Variants in HAPSTR1 observed in about 807,000 individuals in gnomAD.
The protein encoded by HAPSTR1 is HUWE1 associated protein modifying stress responses.
At chr16:9,101,215 G>T in the HAPSTR1 span, among the ~76,000 whole-genome samples, 10 of 152,174 alleles carry the variant, frequency 6.6e-5, no homozygotes, top group Non-Finnish European at 1.3e-4. Flanking sequence ...CCCCTTTAGG[G>T]TTGGCTCATC....
the HAPSTR1 span, among the ~76,000 whole-genome samples, chr16:9,093,304 C>T: frequency 3.9e-5 from 6 of 152,138 alleles, no homozygotes; most frequent in Non-Finnish European, 8.8e-5. Context: ...CCAAGATAAC[C>T]GCCCCGGCCC....
the HAPSTR1 span, among the ~76,000 whole-genome samples, chr16:9,096,346 A>G: frequency 6.6e-6 from 1 of 152,166 alleles, no homozygotes; most frequent in Non-Finnish European, 1.5e-5. Context: ...GTCTTTTTAA[A>G]AATTTTTTTT....
chr16:9,115,190 A>G, the HAPSTR1 span, among the ~76,000 whole-genome samples: 1 of 152,214 alleles, frequency 6.6e-6, no homozygotes, highest in African/African-American at 2.4e-5. Flanking sequence ...ATGGAGGGGA[A>G]CGCCAAGGGG....
chr16:9,099,752 G>A, the HAPSTR1 span, among the ~76,000 whole-genome samples: 13 of 152,130 alleles, frequency 8.5e-5, no homozygotes, highest in South Asian at 2.1e-4. Context: ...TCAAGAGGCC[G>A]TGTGTGTGTG....
chr16:9,112,329 G>C, the HAPSTR1 span: 2 of 152,302 alleles, frequency 1.3e-5, no homozygotes, highest in East Asian at 3.9e-4. Context: ...AGGGCCCCCG[G>C]TCAGGATATT....
At chr16:9,102,944 T>C in the HAPSTR1 span, 4 of 1,593,516 alleles carry the variant, frequency 2.5e-6, no homozygotes, top group African/African-American at 1.4e-5. Flanking sequence ...CGGGCTCTAA[T>C]GGTCATGATA....
At chr16:9,096,656 CT>C in the HAPSTR1 span, among the ~76,000 whole-genome samples, 1 of 152,140 alleles carries the variant, frequency 6.6e-6, no homozygotes, top group Non-Finnish European at 1.5e-5. Context: ...TTGTGACTCA[CT>C]TGGCTGCAAA....
At chr16:9,102,705 A>G in the HAPSTR1 span, among the ~76,000 whole-genome samples, 62 of 152,326 alleles carry the variant, frequency 4.1e-4, no homozygotes, top group African/African-American at 1.2e-3. Context: ...AGGTAATTTC[A>G]TTAAAGATAC....
the HAPSTR1 span, among the ~76,000 whole-genome samples, chr16:9,093,891 A>G: frequency 2.6e-5 from 4 of 152,004 alleles, no homozygotes; most frequent in Admixed American, 6.6e-5. Flanking sequence ...GACTTTGTTA[A>G]TCTTAAGAAA....
At chr16:9,091,908 C>A in the HAPSTR1 span, 1 of 688,382 alleles carries the variant, frequency 1.5e-6, no homozygotes, top group Non-Finnish European at 2.1e-6. Flanking sequence ...TGCAGGAGGC[C>A]TGGGCCGCTG....
At chr16:9,104,043 A>G in the HAPSTR1 span, 2 of 152,162 alleles carry the variant, frequency 1.3e-5, no homozygotes, top group African/African-American at 4.8e-5. Context: ...CTTGCTTGAA[A>G]CCATGATGGA....
At chr16:9,121,182 G>C in the HAPSTR1 span, 1 of 152,218 alleles carries the variant, frequency 6.6e-6, no homozygotes, top group South Asian at 2.1e-4. Flanking sequence ...TTGAATTCCT[G>C]ACCTTAAGTG....
chr16:9,119,264 C>G, the HAPSTR1 span: 1 of 152,196 alleles, frequency 6.6e-6, no homozygotes, highest in African/African-American at 2.4e-5. Context: ...CTAGGTTTTT[C>G]AAGGGTTTCC....
the HAPSTR1 span, among the ~76,000 whole-genome samples, chr16:9,099,621 G>A: frequency 6.6e-6 from 1 of 152,212 alleles, no homozygotes; most frequent in African/African-American, 2.4e-5. Context: ...TTTGGTTTCT[G>A]TAAAATAGTG....
At chr16:9,093,486 T>A in the HAPSTR1 span, among the ~76,000 whole-genome samples, 1 of 152,200 alleles carries the variant, frequency 6.6e-6, no homozygotes, top group Non-Finnish European at 1.5e-5. Flanking sequence ...TGGAAAAGAT[T>A]CTTGAGTTAG....
chr16:9,121,145 G>T, the HAPSTR1 span: 1 of 152,198 alleles, frequency 6.6e-6, no homozygotes, highest in Non-Finnish European at 1.5e-5. Flanking sequence ...GTAGAGACGG[G>T]ATTTCACCAT....
chr16:9,106,844 T>C, the HAPSTR1 span: 2 of 152,176 alleles, frequency 1.3e-5, no homozygotes, highest in African/African-American at 4.8e-5. Flanking sequence ...GTTGAATTAA[T>C]ACCAACAACT....
the HAPSTR1 span, among the ~76,000 whole-genome samples, chr16:9,114,339 G>T: frequency 6.6e-6 from 1 of 152,080 alleles, no homozygotes; most frequent in Non-Finnish European, 1.5e-5. Flanking sequence ...ACCCCACCAA[G>T]GCGACTGAGG....
the HAPSTR1 span, chr16:9,103,857 G>T: frequency 6.6e-6 from 1 of 152,550 alleles, no homozygotes; most frequent in African/African-American, 2.4e-5. Context: ...GTCATAAGAA[G>T]GCACTCTTGG....
Sources: gnomAD v4.1 joint callset for allele counts (sites outside exome capture counted in the v4.1 genomes callset) on GRCh38, gnomAD v4.1.1 for gene constraint, MANE v1.5 for transcripts, NCBI Gene and HGNC (gene_info 2026-07-23, HGNC 2026-07-21) for gene names.